The following POC1A variants were observed in gnomAD, a reference collection of about 807,000 sequenced individuals.
POC1A encodes the protein POC1 centriolar protein A, also known as POC1 centriolar protein homolog A.
A neutral mutation model predicts 47.8 loss-of-function variants in POC1A; 34 were observed. The observed-to-expected ratio is 0.71, with a 90% confidence interval of 0.54 to 0.95. The LOEUF (loss-of-function observed/expected upper bound fraction) is 0.95, where lower values mean the gene tolerates loss of function less well. Among genes scored for constraint, POC1A ranks in the 40% least tolerant of loss-of-function variants. The pLI, the probability that POC1A is intolerant of heterozygous loss-of-function variation, is 0.00. For missense variants in POC1A, 466 were observed against 528.3 expected, an observed-to-expected ratio of 0.88 and a Z score of 1.16; for synonymous variants, 177 against 207.6, an observed-to-expected ratio of 0.85 and a Z score of 1.27.
intron 6 of POC1A, among the ~76,000 whole-genome samples, chr3:52,140,004 C>T (rs1380670964): frequency 6.6e-6 from 1 of 152,218 alleles, no homozygotes; most frequent in African/African-American, 2.4e-5. Context: ...AACCATGACC[C>T]TGCCAAGTCA....
chr3:52,142,453 C>T (rs1487769771), intron 6 of POC1A, among the ~76,000 whole-genome samples: 1 of 152,214 alleles, frequency 6.6e-6, no homozygotes, highest in Non-Finnish European at 1.5e-5. Context: ...CAGCTGCCTC[C>T]ATAGCCCAAA....
In POC1A at chr3:52,090,125, C is replaced by T. The variant is rs1702596351; in HGVS notation, c.1125+6444G>A. On this transcript the variant is annotated intron_variant, in intron 10 of 10. Transcript: ENST00000296484. This position sits in a 1 kb window ranked among gnomAD's most constrained non-coding sequence, Gnocchi z 4.2. ...CGAATGCCAAAGAGACCCAAACAAG[C>T]AGGGCTGGTGGGCTTGCTCCCTGCC... Among the ~76,000 whole-genome samples, 1 of 152,200 alleles carries T rather than the reference C, an allele frequency of 6.6e-6. No individual in the cohort carries two copies. The highest frequency in any genetic ancestry group is 2.1e-4 in the South Asian group (1 of 4,832).
At chr3:52,113,048 A>G (rs1703437767) in intron 9 of POC1A, among the ~76,000 whole-genome samples, 4 of 152,214 alleles carry the variant, frequency 2.6e-5, no homozygotes, top group African/African-American at 9.6e-5. Context: ...CTAAAGTTTG[A>G]GAACCACTGC....
At chr3:52,095,162 G>A (rs1031600837) in intron 10 of POC1A, among the ~76,000 whole-genome samples, 4 of 152,144 alleles carry the variant, frequency 2.6e-5, no homozygotes, top group African/African-American at 4.8e-5. Flanking sequence ...AGTTGCTGAC[G>A]GGTTTGAAGT....
intron 7 of POC1A, among the ~76,000 whole-genome samples, chr3:52,131,720 CA>C (rs1704220618): frequency 2.0e-5 from 3 of 152,196 alleles, no homozygotes; most frequent in Non-Finnish European, 2.9e-5. Flanking sequence ...AGCCCCCAAC[CA>C]GGGGACAGAT....
chr3:52,075,881 C>T lies in POC1A; in HGVS notation c.*6G>A, dbSNP rs367888387. The T allele has an allele frequency of 3.1e-6, 5 of 1,606,472 alleles. No homozygotes were observed. Among genetic ancestry groups the T allele is most frequent in the Admixed American group, 3.3e-5 (2 of 59,988 alleles). On this transcript the variant is annotated 3_prime_UTR_variant, in exon 11 of 11. Transcript: ENST00000296484. ...TCCACCGAGCTCCTGATTCCTGCTCCCCTGATCATGGTGTTGCTCTCTGCA... is the reference window on the plus strand; with the variant it reads ...TCCACCGAGCTCCTGATTCCTGCTCTCCTGATCATGGTGTTGCTCTCTGCA...
intron 7 of POC1A, among the ~76,000 whole-genome samples, chr3:52,130,142 C>T (rs1332570081): frequency 2.0e-5 from 3 of 152,180 alleles, no homozygotes; most frequent in Non-Finnish European, 4.4e-5. Context: ...ACCTCTCACG[C>T]GTTGCAAAAT....
At chr3:52,131,845 G>C (rs1352201214) in intron 7 of POC1A, among the ~76,000 whole-genome samples, 3 of 152,156 alleles carry the variant, frequency 2.0e-5, no homozygotes, top group African/African-American at 7.2e-5. Context: ...GTGCACAGGA[G>C]AGGAAACGCG....
chr3:52,109,445 C>T (rs1703303842), intron 9 of POC1A, among the ~76,000 whole-genome samples: 1 of 151,480 alleles, frequency 6.6e-6, no homozygotes, highest in Admixed American at 6.6e-5. Flanking sequence ...GAAATTTCCA[C>T]AATACAAAGG....
At chr3:52,116,194 G>A (rs928404755) in intron 9 of POC1A, among the ~76,000 whole-genome samples, 5 of 152,148 alleles carry the variant, frequency 3.3e-5, no homozygotes, top group African/African-American at 4.8e-5. Context: ...CTAGTGCCAA[G>A]AATCTCTGGG....
chr3:52,135,149 C>G (rs1267782796), intron 7 of POC1A, among the ~76,000 whole-genome samples: 1 of 152,200 alleles, frequency 6.6e-6, no homozygotes, highest in Non-Finnish European at 1.5e-5. Context: ...TCCAGCCAGG[C>G]CCTCATCAGT....
chr3:52,089,343 C>G (rs1429961527), intron 10 of POC1A, among the ~76,000 whole-genome samples: 1 of 152,142 alleles, frequency 6.6e-6, no homozygotes, highest in Non-Finnish European at 1.5e-5. Context: ...CCTCTGCCAC[C>G]AAGTGTGTCC....
At chr3:52,137,989 T>C (rs536116118) in intron 7 of POC1A, among the ~76,000 whole-genome samples, 180 bp downstream of exon 7, 5 of 152,256 alleles carry the variant, frequency 3.3e-5, no homozygotes, top group Admixed American at 3.3e-4. Flanking sequence ...AACTCTTATA[T>C]ACCCTTCTCA....
At chr3:52,117,317 T>C (rs1703604082) in intron 9 of POC1A, among the ~76,000 whole-genome samples, 1 of 152,018 alleles carries the variant, frequency 6.6e-6, no homozygotes, top group African/African-American at 2.4e-5. Flanking sequence ...TGCGCCACTG[T>C]AGTTCAGCCT....
chr3:52,115,000 G>A (rs1703511581), intron 9 of POC1A, among the ~76,000 whole-genome samples: 1 of 152,216 alleles, frequency 6.6e-6, no homozygotes, highest in South Asian at 2.1e-4. Flanking sequence ...TTGACCCCCA[G>A]AGATGCCCTG....
intron 7 of POC1A, among the ~76,000 whole-genome samples, chr3:52,130,553 A>G (rs1704174276): frequency 6.6e-6 from 1 of 152,172 alleles, no homozygotes. Flanking sequence ...GGGCCAGGCC[A>G]ACTTCTTAGT....
intron 7 of POC1A, among the ~76,000 whole-genome samples, chr3:52,132,083 T>C (rs1039529830): frequency 4.6e-5 from 7 of 152,328 alleles, no homozygotes; most frequent in Non-Finnish European, 1.0e-4. Context: ...TTAATATCTA[T>C]GAGGACCTAC....
intron 9 of POC1A, among the ~76,000 whole-genome samples, chr3:52,097,956 C>T (rs1024960369): frequency 2.0e-5 from 3 of 152,230 alleles, no homozygotes; most frequent in African/African-American, 7.2e-5. Context: ...AGTCCACCAG[C>T]CTTGCCAGGA....
chr3:52,145,996 G>T, intron 5 of POC1A, 35 bp from the exon 6 acceptor site: 1 of 1,309,022 alleles, frequency 7.6e-7, no homozygotes, highest in Non-Finnish European at 1.1e-6. Flanking sequence ...ACTATAGGAG[G>T]TCTGCCCTGG....
Sources: gnomAD v4.1 joint callset for allele counts (sites outside exome capture counted in the v4.1 genomes callset) on GRCh38, gnomAD v4.1.1 for gene constraint, Gnocchi (gnomAD v3.1) non-coding constraint, MANE v1.5 for transcripts, NCBI Gene and HGNC (gene_info 2026-07-23, HGNC 2026-07-21) for gene names.